Variants in SEMA6D observed in about 807,000 individuals in gnomAD.
The protein encoded by SEMA6D is semaphorin-6D.
Under a neutral mutation model 106.6 loss-of-function variants are expected in SEMA6D, and 35 were observed. The observed-to-expected ratio is 0.33, with a 90% CI of 0.25 to 0.44. The LOEUF (loss-of-function observed/expected upper bound fraction) is 0.44, where lower values mean the gene tolerates loss of function less well. Ranked by LOEUF, SEMA6D falls within the 20% of genes least tolerant of loss-of-function variation. The probability of loss-of-function intolerance (pLI) is 1.00; values close to 1 mark genes in which losing one functional copy is unlikely to be tolerated. For synonymous variants in SEMA6D, 499 were observed against 487.7 expected, an observed-to-expected ratio of 1.02 and a Z score of -0.31; for missense variants, 1,185 against 1,345.9, an observed-to-expected ratio of 0.88 and a Z score of 1.87.
At chr15:47,418,180 C>T (rs943205890) in intron 2 of SEMA6D, among the ~76,000 whole-genome samples, 2 of 151,950 alleles carry the variant, frequency 1.3e-5, no homozygotes, top group African/African-American at 4.8e-5. Context: ...AGACAGCAAG[C>T]CAGGCAGAAA....
chr15:47,388,441 TC>T (rs2039914471), intron 1 of SEMA6D, among the ~76,000 whole-genome samples: 1 of 152,146 alleles, frequency 6.6e-6, no homozygotes, highest in African/African-American at 2.4e-5. Context: ...TGTCATGAAA[TC>T]CTGTGCTTTC....
intron 4 of SEMA6D, among the ~76,000 whole-genome samples, chr15:47,626,552 G>C (rs764742082): frequency 1.3e-5 from 2 of 152,058 alleles, no homozygotes; most frequent in Non-Finnish European, 2.9e-5. Context: ...AAAACAAAAA[G>C]AGTTTTCAAT....
chr15:47,218,476 A>G (rs971684777), intron 1 of SEMA6D, among the ~76,000 whole-genome samples: 3 of 152,156 alleles, frequency 2.0e-5, no homozygotes, highest in Admixed American at 6.5e-5. Context: ...TCACACATTA[A>G]GTTTTGGAAC....
chr15:47,752,317 A>C (rs1429662833), intron 1 of SEMA6D, among the ~76,000 whole-genome samples: 1 of 152,240 alleles, frequency 6.6e-6, no homozygotes, highest in Non-Finnish European at 1.5e-5. Flanking sequence ...TGAACTGTCA[A>C]CTGCTTCTAA....
chr15:47,243,283 T>C (rs963719885), intron 1 of SEMA6D, among the ~76,000 whole-genome samples: 1 of 152,116 alleles, frequency 6.6e-6, no homozygotes, highest in Non-Finnish European at 1.5e-5. Context: ...TCTCCTTGCA[T>C]CTCATAGCAT....
intron 1 of SEMA6D, among the ~76,000 whole-genome samples, chr15:47,287,361 C>G (rs772861307): frequency 2.6e-4 from 40 of 152,168 alleles, no homozygotes; most frequent in Admixed American, 2.0e-3. Context: ...TACATATAGT[C>G]TTTGAAGGAA....
rs531201263 is a variant in SEMA6D at position 47,765,584 on chromosome 15, C to T, written c.1428-285C>T. On this transcript the variant is annotated intron_variant, in intron 13 of 18. Transcript: ENST00000536845. Reference sequence around the variant, plus strand: ...AGGAAAATTTATATGCATTAAAGCACGATCCTTTTTATTTCTATAGTCAAA... The same window carrying T: ...AGGAAAATTTATATGCATTAAAGCATGATCCTTTTTATTTCTATAGTCAAA... 86 of 545,746 alleles carry T rather than the reference C, an allele frequency of 1.6e-4. 1 individual carries two copies. The Middle Eastern group carries it at 5.7e-3, about 36-fold the overall frequency. The allele number at this position is 545,746 out of a possible 1,614,324, so 33.8% of individuals were successfully genotyped here.
intron 3 of SEMA6D, among the ~76,000 whole-genome samples, chr15:47,483,631 A>G (rs2043215958): frequency 6.6e-6 from 1 of 152,092 alleles, no homozygotes; most frequent in Non-Finnish European, 1.5e-5. Flanking sequence ...AAAATCATAG[A>G]AGGATTTGTT....
At position 47,682,052 on chromosome 15, in the gene SEMA6D, AAGGC is replaced by A. The variant is rs565978691; in HGVS notation, c.-54-77689_-54-77686del. Among the ~76,000 whole-genome samples, 402 of 152,350 alleles carry A rather than the reference AAGGC, an allele frequency of 2.6e-3. 2 individuals carry two copies. Among genetic ancestry groups the A allele is most frequent in the African/African-American group, 9.2e-3 (381 of 41,588 alleles). On this transcript the variant is annotated intron_variant, in intron 4 of 19. Transcript: ENST00000558014. ...TTAATCTTCCAAAATGTCACTGAGT[AAGGC>A]AGGATTTAGGGGATGTATGTAAACC...
At chr15:47,269,109 T>C (rs535362289) in intron 1 of SEMA6D, among the ~76,000 whole-genome samples, 3 of 152,166 alleles carry the variant, frequency 2.0e-5, no homozygotes, top group Admixed American at 1.3e-4. Context: ...TGAGAAGTTT[T>C]CTATATTATG....
chr15:47,317,907 G>A (rs1440904986), intron 1 of SEMA6D, among the ~76,000 whole-genome samples: 1 of 151,710 alleles, frequency 6.6e-6, no homozygotes, highest in East Asian at 1.9e-4. Context: ...GTCATTAATT[G>A]GAGAAATTCT....
intron 1 of SEMA6D, among the ~76,000 whole-genome samples, chr15:47,262,356 TAAAGA>T (rs2034116062): frequency 6.6e-6 from 1 of 152,096 alleles, no homozygotes. Context: ...GAGCAATTTA[TAAAGA>T]AAAGAGGTTT....
chr15:47,620,074 A>C (rs2144160309), intron 4 of SEMA6D, among the ~76,000 whole-genome samples: 1 of 152,214 alleles, frequency 6.6e-6, no homozygotes, highest in African/African-American at 2.4e-5. Flanking sequence ...CCCAGCCTGA[A>C]CTCACCACTT....
At chr15:47,447,460 T>C (rs963856044) in intron 2 of SEMA6D, among the ~76,000 whole-genome samples, 2 of 152,062 alleles carry the variant, frequency 1.3e-5, no homozygotes, top group Non-Finnish European at 2.9e-5. Context: ...AGGACTGGGA[T>C]TGGGGAGCTT....
In SEMA6D at chr15:47,415,381, T is replaced by TC. The variant is rs534874475; in HGVS notation, c.-159+2909_-159+2910insC. On this transcript the variant is annotated intron_variant, in intron 2 of 19. Transcript: ENST00000558014. ...ATACAATCCCTGTCAGTAAGGGGAGTAGAAAGGGTCTCTGGGACTGATCCT... is the reference window on the plus strand; with the variant it reads ...ATACAATCCCTGTCAGTAAGGGGAGTCAGAAAGGGTCTCTGGGACTGATCCT... 3.7e-4 allele frequency among the ~76,000 whole-genome samples: 56 copies of TC among 152,012 alleles called. No homozygotes were observed. In the East Asian group the frequency reaches 7.9e-3, roughly 22 times the overall value.
At chr15:47,206,447 G>A (rs893788618) in intron 1 of SEMA6D, among the ~76,000 whole-genome samples, 1 of 152,162 alleles carries the variant, frequency 6.6e-6, no homozygotes, top group Non-Finnish European at 1.5e-5. Flanking sequence ...CAGGTTCTGA[G>A]TAAGTTCAAA....
chr15:47,353,420 A>G (rs145603039), intron 1 of SEMA6D, among the ~76,000 whole-genome samples: 2 of 152,196 alleles, frequency 1.3e-5, no homozygotes, highest in Admixed American at 1.3e-4. Context: ...TTTTCCCTAT[A>G]CCGTATGCTT....
intron 1 of SEMA6D, among the ~76,000 whole-genome samples, chr15:47,366,363 T>C (rs1355413683): frequency 6.6e-6 from 1 of 152,206 alleles, no homozygotes; most frequent in Non-Finnish European, 1.5e-5. Context: ...AAGCCACGTG[T>C]GGCAGCTCTG....
At chr15:47,654,335 G>T (rs1336719007) in intron 4 of SEMA6D, among the ~76,000 whole-genome samples, 1 of 152,160 alleles carries the variant, frequency 6.6e-6, no homozygotes, top group African/African-American at 2.4e-5. Flanking sequence ...ATATCCTATT[G>T]TGACCAGAAG....
Sources: allele counts gnomAD v4.1 joint callset (sites outside exome capture counted in the v4.1 genomes callset), GRCh38; gene constraint gnomAD v4.1.1; transcripts MANE v1.5; gene names NCBI Gene and HGNC (gene_info 2026-07-23, HGNC 2026-07-21).